The following ZFP62 variants were observed in gnomAD, a reference collection of about 807,000 sequenced individuals.
ZFP62 encodes the protein zinc finger protein 62 homolog.
In ZFP62, 44 loss-of-function variants were observed where a neutral mutation model predicts 56.4. The observed-to-expected ratio is 0.78, with a 90% confidence interval of 0.61 to 1.00. ZFP62 has a LOEUF of 1.00. ZFP62 is among the 50% of genes least tolerant of loss of function. ZFP62 has a pLI of 0.00. For synonymous variants in ZFP62, 421 were observed against 388.9 expected, an observed-to-expected ratio of 1.08 and a Z score of -0.97; for missense variants, 1,030 against 1,085.7, an observed-to-expected ratio of 0.95 and a Z score of 0.72.
rs705441 is a variant in ZFP62 at position 180,851,393 on chromosome 5, C to G, written c.102G>C (p.Met34Ile). 1,169,592 of 1,551,400 alleles carry G rather than the reference C, an allele frequency of 0.75. 446,447 individuals are homozygous for G. The highest frequency in any genetic ancestry group is 0.96 in the East Asian group (39,210 of 40,908). The change falls in exon 2 of 2, where the codon ATG becomes ATC. Residue 34 changes from methionine to isoleucine, a missense_variant. Coordinates refer to ENST00000502412, the MANE Select transcript of ZFP62 (RefSeq NM_001172638.2). ...ASKWPKVEDP[M>I]PESKVGDTCV... ...ATGTGTCACCAACCTTAGATTCAGG[C>G]ATAGGATCCTCCACTTTTGGCCACT...
At chr5:180,843,316 A>G (rs568165060), downstream of ZFP62, among the ~76,000 whole-genome samples, 1 of 152,136 alleles carries the variant, frequency 6.6e-6, no homozygotes, top group East Asian at 1.9e-4. Context: ...GAAAAAGTAT[A>G]TAACTTCCAA....
At chr5:180,852,567 A>T (rs1194254446) in intron 1 of ZFP62, among the ~76,000 whole-genome samples, 1 of 152,008 alleles carries the variant, frequency 6.6e-6, no homozygotes, top group Non-Finnish European at 1.5e-5. Flanking sequence ...AAAAAAAAAA[A>T]AAAAAAGATA....
rs1773465720 is a variant in ZFP62, at chr5:180,847,837, G to A, written c.*955C>T. On this transcript the variant is annotated 3_prime_UTR_variant, in exon 2 of 2. Transcript: ENST00000502412. ...TTAATTTCCTTCTCTCTAGATGACT[G>A]GTACTTTAGCTTTTTAGCTTCTGCA... 2.0e-6 allele frequency: 2 copies of A among 985,362 alleles called. No individual in the cohort carries two copies. The highest frequency in any genetic ancestry group is 1.2e-6 in the Non-Finnish European group (1 of 829,912). 61.0% of individuals were successfully genotyped at this position (985,362 alleles called of 1,614,324 possible). A position where few individuals can be genotyped will look rare whatever the true frequency, so the allele number is the denominator to read the frequency against.
chr5:180,857,491 TTTTG>T (rs1774051704), intron 1 of ZFP62, among the ~76,000 whole-genome samples: 1 of 152,100 alleles, frequency 6.6e-6, no homozygotes, highest in Non-Finnish European at 1.5e-5. Flanking sequence ...ATGTTAGAAC[TTTTG>T]TTTTTTTTTT....
chr5:180,860,973 G>C (rs957628585), intron 1 of ZFP62, among the ~76,000 whole-genome samples: 23 of 152,150 alleles, frequency 1.5e-4, no homozygotes, highest in Non-Finnish European at 3.4e-4. Flanking sequence ...TTCAAACGTC[G>C]CAGTTGTGGC....
the ZFP62 span, chr5:180,831,059 CT>C: frequency 2.0e-5 from 3 of 152,586 alleles, no homozygotes; most frequent in East Asian, 3.9e-4. Flanking sequence ...CCGCCAGGAA[CT>C]TACTGGGGCT....
chr5:180,827,058 C>A, the ZFP62 span, among the ~76,000 whole-genome samples: 3 of 152,194 alleles, frequency 2.0e-5, no homozygotes, highest in African/African-American at 7.2e-5. Flanking sequence ...TTCCTTTGAG[C>A]CTTGGTCTTC....
chr5:180,845,758 A>C, downstream of ZFP62: 1 of 985,434 alleles, frequency 1.0e-6, no homozygotes, highest in Non-Finnish European at 1.2e-6. Context: ...CCTTCAGCTA[A>C]CACCATCTTC....
At chr5:180,845,962 ACTC>A (rs1458607562), downstream of ZFP62, 1 of 545,484 alleles carries the variant, frequency 1.8e-6, no homozygotes, top group Non-Finnish European at 2.3e-6. Flanking sequence ...GCTATTCCAT[ACTC>A]ACTGTTTTTT....
chr5:180,828,894 A>C, the ZFP62 span, among the ~76,000 whole-genome samples: 1 of 152,192 alleles, frequency 6.6e-6, no homozygotes, highest in Non-Finnish European at 1.5e-5. Context: ...AGACCCTGGG[A>C]AAGGAATGCA....
Position 180,850,037 on chromosome 5 carries a change from A to T in ZFP62, c.1458T>A (p.Tyr486Ter). The stretch of plus-strand genomic sequence containing the variant: ...GATTTTTAAGGCTAGAGCGTGAGAT[A>T]TAGGCTTTCCCACACACATCACACT... ...PYKCDVCGKA[Y>*]ISRSSLKNHK... Residue 486 changes from tyrosine to a stop codon, truncating the protein, a stop_gained, in exon 2 of 2, where the codon TAT (tyrosine) becomes TAA (stop). Coordinates refer to ENST00000502412, the MANE Select transcript of ZFP62 (RefSeq NM_001172638.2). LOFTEE classifies it high-confidence loss of function. 1 of 1,551,626 alleles carries T rather than the reference A, an allele frequency of 6.4e-7. No homozygotes were observed. The highest frequency in any genetic ancestry group is 8.7e-7 in the Non-Finnish European group (1 of 1,147,012).
In ZFP62 at chr5:180,849,324, A is replaced by G. The variant is rs1367215589; in HGVS notation, c.2171T>C (p.Leu724Pro). 6.4e-7 allele frequency: 1 copy of G among 1,552,056 alleles called. No homozygotes were observed. ...RTLISHKRVH[L>P]GEKPFKCVEC... ...AACACACTTGAAGGGTTTCTCCCCA[A>G]GATGGACTCTTTTATGGCTTATAAG... is the stretch of plus-strand genomic sequence containing the variant. The change falls in exon 2 of 2, where the codon CTT becomes CCT. Residue 724 changes from leucine (L) to proline (P), a missense_variant. By Grantham distance (98) the Leu-to-Pro change is moderately conservative. Coordinates refer to ENST00000502412, the MANE Select transcript of ZFP62 (RefSeq NM_001172638.2).
At chr5:180,858,668 G>A (rs2619756) in intron 1 of ZFP62, among the ~76,000 whole-genome samples, 104,203 of 152,004 alleles carry the variant, frequency 0.69, 37,739 homozygotes, top group East Asian at 0.96. Context: ...GGCAAGACAG[G>A]ACTGAGTCCT....
At chr5:180,856,755 C>T (rs1167660465) in intron 1 of ZFP62, among the ~76,000 whole-genome samples, 1 of 151,750 alleles carries the variant, frequency 6.6e-6, no homozygotes, top group Admixed American at 6.6e-5. Context: ...GAGATCGAGA[C>T]CATCCTGGCT....
rs1219210458 is a variant in ZFP62 at position 180,858,397 on chromosome 5, G to C, written c.1+2822C>G. Among the ~76,000 whole-genome samples, 5 of 152,158 alleles carry C rather than the reference G, an allele frequency of 3.3e-5. No individual in the cohort carries two copies. The South Asian group carries it at 1.0e-3, about 32-fold the overall frequency. On this transcript the variant is annotated intron_variant, in intron 1 of 1. Coordinates refer to ENST00000502412, the MANE Select transcript of ZFP62 (RefSeq NM_001172638.2). ...AGGCAGACAGATCACTTGAGGCTAG[G>C]AGTTCAAAACCAGCCTGGCCAATGA...
downstream of ZFP62, among the ~76,000 whole-genome samples, chr5:180,843,094 T>G (rs1208710619): frequency 6.7e-6 from 1 of 149,534 alleles, no homozygotes; most frequent in Non-Finnish European, 1.5e-5. Flanking sequence ...TAATTAAACG[T>G]TTGGTATAGA....
chr5:180,834,937 GCTCT>G, the ZFP62 span: 15,350 of 151,886 alleles, frequency 0.1, 820 homozygotes, highest in South Asian at 0.12. Context: ...ACAAAAGCTT[GCTCT>G]CTCTCTCTGC....
the ZFP62 span, among the ~76,000 whole-genome samples, chr5:180,829,709 A>G: frequency 6.6e-6 from 1 of 152,254 alleles, no homozygotes; most frequent in Non-Finnish European, 1.5e-5. Context: ...TTGGTTTGCC[A>G]AGGTGGAAAG....
chr5:180,829,667 A>G, the ZFP62 span, among the ~76,000 whole-genome samples: 1 of 152,268 alleles, frequency 6.6e-6, no homozygotes, highest in Admixed American at 6.5e-5. Context: ...CTGCTTTAAA[A>G]AAGAAACTTT....
Sources: allele counts gnomAD v4.1 joint callset (sites outside exome capture counted in the v4.1 genomes callset), GRCh38; gene constraint gnomAD v4.1.1; transcripts MANE v1.5; gene names NCBI Gene and HGNC (gene_info 2026-07-23, HGNC 2026-07-21).